ITGB3BP: variants seen among roughly 807,000 people sequenced by gnomAD.
ITGB3BP encodes the protein centromere protein R.
Under a neutral mutation model 29.1 loss-of-function variants are expected in ITGB3BP, and 27 were observed. The observed-to-expected ratio is 0.93, with a 90% CI of 0.68 to 1.28. The LOEUF (loss-of-function observed/expected upper bound fraction) is 1.28, where lower values mean the gene tolerates loss of function less well. Among genes scored for constraint, ITGB3BP ranks in the 50% most tolerant of loss-of-function variants. ITGB3BP has a pLI of 0.00. For synonymous variants in ITGB3BP, 61 were observed against 61.4 expected (o/e 0.99, Z 0.03); for missense variants, 192 against 200.2 (o/e 0.96, Z 0.25).
chr1:63,499,673 T>G (rs1317031125), intron 2 of ITGB3BP, among the ~76,000 whole-genome samples: 1 of 152,118 alleles, frequency 6.6e-6, no homozygotes, highest in Admixed American at 6.5e-5. Context: ...GAAAGCAAGG[T>G]TGGTTCAACA....
At chr1:63,458,814 G>A (rs895786134) in intron 4 of ITGB3BP, among the ~76,000 whole-genome samples, 3 of 152,086 alleles carry the variant, frequency 2.0e-5, no homozygotes, top group African/African-American at 7.2e-5. Flanking sequence ...CTATTTGATG[G>A]ATCAATGAAC....
intron 1 of ITGB3BP, among the ~76,000 whole-genome samples, chr1:63,522,093 G>T (rs367984281): frequency 6.9e-4 from 105 of 152,350 alleles, no homozygotes; most frequent in African/African-American, 2.4e-3. Context: ...ATTGGCAGCT[G>T]TGTTGAACAC....
At chr1:63,477,284 T>C (rs749624656) in intron 4 of ITGB3BP, among the ~76,000 whole-genome samples, 8 of 152,234 alleles carry the variant, frequency 5.3e-5, no homozygotes, top group Non-Finnish European at 1.0e-4. Flanking sequence ...ATCTGTGCCC[T>C]GACTTGGGGC....
chr1:63,524,730 G>A (rs143534247), upstream of ITGB3BP, among the ~76,000 whole-genome samples: 606 of 152,224 alleles, frequency 4.0e-3, 4 homozygotes, highest in African/African-American at 0.013. Context: ...GAAACTGTTC[G>A]TGAAATTTAC....
chr1:63,510,935 T>G (rs1220509736), intron 1 of ITGB3BP, among the ~76,000 whole-genome samples: 1 of 152,152 alleles, frequency 6.6e-6, no homozygotes, highest in Non-Finnish European at 1.5e-5. Flanking sequence ...ATGAAACATA[T>G]GAAGGAAGAA....
At chr1:63,478,420 C>T (rs774390153) in intron 4 of ITGB3BP, among the ~76,000 whole-genome samples, 1 of 152,208 alleles carries the variant, frequency 6.6e-6, no homozygotes, top group African/African-American at 2.4e-5. Context: ...CATCCTGAAC[C>T]AGCTATTTGT....
At chr1:63,461,626 T>C (rs1388054485) in intron 4 of ITGB3BP, among the ~76,000 whole-genome samples, 1 of 152,256 alleles carries the variant, frequency 6.6e-6, no homozygotes, top group South Asian at 2.1e-4. Flanking sequence ...CACTGATCCA[T>C]TTTGATTTAA....
intron 4 of ITGB3BP, chr1:63,457,773 A>G (rs1644956257): frequency 6.6e-6 from 1 of 152,174 alleles, no homozygotes; most frequent in Non-Finnish European, 1.5e-5. Flanking sequence ...CCAGATGTCA[A>G]TGGGCCACTA....
At chr1:63,451,681 T>C (rs1449879965) in intron 7 of ITGB3BP, 1 of 151,392 alleles carries the variant, frequency 6.6e-6, no homozygotes, top group African/African-American at 2.4e-5. Context: ...GAGAAAGAGG[T>C]AGGAAAAGCA....
intron 8 of ITGB3BP, among the ~76,000 whole-genome samples, chr1:63,443,560 G>T (rs528670566): frequency 6.6e-6 from 1 of 152,200 alleles, no homozygotes; most frequent in East Asian, 1.9e-4. Context: ...TTTAAATTTG[G>T]ATTTTATCAT....
intron 4 of ITGB3BP, among the ~76,000 whole-genome samples, chr1:63,465,471 A>G (rs1306160245): frequency 6.7e-6 from 1 of 150,328 alleles, no homozygotes; most frequent in Non-Finnish European, 1.5e-5. Context: ...CTCCCAGGCT[A>G]GAGTGCAATC....
At chr1:63,522,992 GGAA>G in intron 1 of ITGB3BP, 134 bp downstream of exon 1, 1 of 968,122 alleles carries the variant, frequency 1.0e-6, no homozygotes, top group East Asian at 2.4e-5. Flanking sequence ...CCAAGCGAAG[GGAA>G]TTGCCTGTGG....
chr1:63,498,966 C>G (rs1489112339), intron 2 of ITGB3BP, among the ~76,000 whole-genome samples: 1 of 151,972 alleles, frequency 6.6e-6, no homozygotes, highest in East Asian at 1.9e-4. Flanking sequence ...CAACTGCATG[C>G]TAACAAATTA....
intron 4 of ITGB3BP, among the ~76,000 whole-genome samples, chr1:63,472,661 G>A (rs1645225182): frequency 6.6e-6 from 1 of 150,934 alleles, no homozygotes; most frequent in South Asian, 2.1e-4. Context: ...TTTTTTGGTG[G>A]AGACGGGGTT....
chr1:63,526,088 C>A (rs140852401), upstream of ITGB3BP, among the ~76,000 whole-genome samples: 268 of 152,156 alleles, frequency 1.8e-3, 1 homozygote, highest in African/African-American at 6.3e-3. Flanking sequence ...AAGTCACTAG[C>A]CTGAATTTGA....
chr1:63,511,462 A>T (rs1249725400), intron 1 of ITGB3BP, among the ~76,000 whole-genome samples: 1 of 152,122 alleles, frequency 6.6e-6, no homozygotes, highest in Non-Finnish European at 1.5e-5. Flanking sequence ...GAAAGCTGGG[A>T]CACAAACAGA....
intron 3 of ITGB3BP, among the ~76,000 whole-genome samples, chr1:63,482,074 A>G (rs993958859): frequency 6.6e-6 from 1 of 151,958 alleles, no homozygotes; most frequent in Admixed American, 6.6e-5. Context: ...GGAGTTTCAG[A>G]CCAGCCTGGT....
At chr1:63,496,971 G>A (rs2100712403) in intron 2 of ITGB3BP, among the ~76,000 whole-genome samples, 1 of 152,262 alleles carries the variant, frequency 6.6e-6, no homozygotes. Flanking sequence ...TACTAGACTT[G>A]CTTCACACAC....
At chr1:63,519,362 TTGTA>T (rs1646400542) in intron 1 of ITGB3BP, among the ~76,000 whole-genome samples, 1 of 152,110 alleles carries the variant, frequency 6.6e-6, no homozygotes, top group Non-Finnish European at 1.5e-5. Flanking sequence ...AAAAGAATGG[TTGTA>T]TGGGTACTTA....
Sources: gnomAD v4.1 joint callset for allele counts (sites outside exome capture counted in the v4.1 genomes callset) on GRCh38, gnomAD v4.1.1 for gene constraint, MANE v1.5 for transcripts, NCBI Gene and HGNC (gene_info 2026-07-23, HGNC 2026-07-21) for gene names.